The following WWOX variants were observed in gnomAD, a reference collection of about 807,000 sequenced individuals.
WWOX encodes the protein WW domain containing oxidoreductase, also known as WW domain-containing oxidoreductase.
In WWOX, 69 loss-of-function variants were observed where a neutral mutation model predicts 46.2. The ratio of observed to expected loss-of-function variants is 1.49; its 90% CI spans 1.23 to 1.82. The LOEUF is 1.82. Ranked by LOEUF, WWOX falls within the 40% of genes most tolerant of loss-of-function variation. The pLI, the probability that WWOX is intolerant of heterozygous loss-of-function variation, is 0.00. For synonymous variants in WWOX, 359 were observed against 202.6 expected (o/e 1.77, Z -6.56); for missense variants, 919 against 542.6 (o/e 1.69, Z -6.89).
At chr16:78,617,777 C>G (rs190195336) in intron 8 of WWOX, among the ~76,000 whole-genome samples, 329 of 152,282 alleles carry the variant, frequency 2.2e-3, no homozygotes, top group Non-Finnish European at 3.2e-3. Context: ...TGGCCCTATC[C>G]ACATGTTGCC....
chr16:78,332,162 A>G (rs2080773356), intron 5 of WWOX, among the ~76,000 whole-genome samples: 1 of 152,104 alleles, frequency 6.6e-6, no homozygotes, highest in South Asian at 2.1e-4. Flanking sequence ...ATCCTGGGTT[A>G]TGTCTTTCCC....
intron 6 of WWOX, among the ~76,000 whole-genome samples, chr16:78,406,080 T>C (rs2082524625): frequency 1.3e-5 from 2 of 151,878 alleles, no homozygotes; most frequent in African/African-American, 4.8e-5. Flanking sequence ...ATCGCTCATG[T>C]TTGTTCTTTT....
chr16:78,298,250 C>T, intron 5 of WWOX, among the ~76,000 whole-genome samples: 1 of 152,114 alleles, frequency 6.6e-6, no homozygotes, highest in East Asian at 1.9e-4. Flanking sequence ...CAGGGGTGAT[C>T]ACAAACAGCC....
At chr16:78,301,012 C>T (rs771457633) in intron 5 of WWOX, among the ~76,000 whole-genome samples, 1 of 151,966 alleles carries the variant, frequency 6.6e-6, no homozygotes, top group East Asian at 1.9e-4. Context: ...ATCCATCCAT[C>T]CATCCATGCA....
At chr16:78,282,293 T>C (rs1039291834) in intron 5 of WWOX, among the ~76,000 whole-genome samples, 2 of 152,214 alleles carry the variant, frequency 1.3e-5, no homozygotes, top group Admixed American at 1.3e-4. Context: ...GATCCTTTTA[T>C]GGTTCTGACG....
At chr16:78,225,378 T>C (rs2037017079) in intron 5 of WWOX, among the ~76,000 whole-genome samples, 1 of 152,230 alleles carries the variant, frequency 6.6e-6, no homozygotes, top group African/African-American at 2.4e-5. Context: ...TGTATGACTA[T>C]GTTTTCTCAT....
At chr16:78,435,233 C>T (rs1295522224) in intron 8 of WWOX, among the ~76,000 whole-genome samples, 2 of 152,104 alleles carry the variant, frequency 1.3e-5, no homozygotes, top group African/African-American at 2.4e-5. Flanking sequence ...ACGAAGGTTG[C>T]AACTCAGTGA....
At chr16:78,599,628 G>A (rs1185253177) in intron 8 of WWOX, among the ~76,000 whole-genome samples, 1 of 152,212 alleles carries the variant, frequency 6.6e-6, no homozygotes, top group Non-Finnish European at 1.5e-5. Context: ...ACCCAGGCCT[G>A]CCAATCAACA....
chr16:78,497,700 C>T (rs2151470438), intron 8 of WWOX, among the ~76,000 whole-genome samples: 1 of 152,318 alleles, frequency 6.6e-6, no homozygotes, highest in Middle Eastern at 3.4e-3. Context: ...AATCACTCTT[C>T]ATGATTGGAT....
At chr16:78,483,896 A>G (rs192677091) in intron 8 of WWOX, among the ~76,000 whole-genome samples, 1 of 152,162 alleles carries the variant, frequency 6.6e-6, no homozygotes, top group African/African-American at 2.4e-5. Context: ...TGTGGTCAAC[A>G]GTGGGGCTTA....
At chr16:78,396,792 G>C (rs1022643583) in intron 6 of WWOX, among the ~76,000 whole-genome samples, 1 of 152,186 alleles carries the variant, frequency 6.6e-6, no homozygotes, top group Non-Finnish European at 1.5e-5. Flanking sequence ...ACATTGTTGA[G>C]TGTTACATGA....
At chr16:78,649,954 T>C (rs948553641) in intron 8 of WWOX, among the ~76,000 whole-genome samples, 1 of 152,178 alleles carries the variant, frequency 6.6e-6, no homozygotes, top group African/African-American at 2.4e-5. Context: ...TTGATTCATT[T>C]CTCTTATCTG....
chr16:78,909,333 C>T (rs545222593), intron 8 of WWOX, among the ~76,000 whole-genome samples: 2 of 152,322 alleles, frequency 1.3e-5, no homozygotes, highest in East Asian at 3.9e-4. Flanking sequence ...TCCAGATCCG[C>T]TTTGGTAAGA....
intron 8 of WWOX, among the ~76,000 whole-genome samples, chr16:78,598,043 A>G (rs1436413278): frequency 6.6e-6 from 1 of 152,160 alleles, no homozygotes; most frequent in Admixed American, 6.5e-5. Flanking sequence ...GTCCAGCTCC[A>G]CTAATCTCCA....
At chr16:78,722,557 G>A (rs1422953163) in intron 8 of WWOX, among the ~76,000 whole-genome samples, 1 of 152,076 alleles carries the variant, frequency 6.6e-6, no homozygotes, top group East Asian at 1.9e-4. Context: ...AAAGCGAGGA[G>A]TTTTTCTGCC....
At position 78,099,686 on chromosome 16, in the gene WWOX, C is replaced by A. The variant is rs947449027; in HGVS notation, c.-93C>A. The A allele has an allele frequency of 1.5e-5, 21 of 1,433,358 alleles. No individual in the cohort carries two copies. The Admixed American group carries it at 5.0e-4, about 34-fold the overall frequency. The allele number at this position is 1,433,358 out of a possible 1,614,324, so 88.8% of individuals were successfully genotyped here. On this transcript the variant is annotated 5_prime_UTR_variant, in exon 1 of 9. Transcript: ENST00000566780. ...GCAGGCGTGAGCGGTCGGGCCCCGA[C>A]GCGCGCGGGTCTCGTTTGGAGCGGG...
intron 5 of WWOX, among the ~76,000 whole-genome samples, chr16:78,198,964 T>G (rs932417240): frequency 1.3e-5 from 2 of 152,132 alleles, no homozygotes; most frequent in Non-Finnish European, 2.9e-5. Flanking sequence ...CCTCTTCTTT[T>G]CCCCTTTCAC....
intron 5 of WWOX, among the ~76,000 whole-genome samples, chr16:78,212,226 C>G (rs1260926902): frequency 6.6e-6 from 1 of 152,188 alleles, no homozygotes. Context: ...AGAAGGAAAG[C>G]TCACTCCATG....
chr16:78,567,407 G>A (rs909171360), intron 8 of WWOX, among the ~76,000 whole-genome samples: 5 of 149,920 alleles, frequency 3.3e-5, no homozygotes, highest in African/African-American at 4.9e-5. Context: ...AAAAAAATTA[G>A]CCCGGCGTGG....
Sources: gnomAD v4.1 joint callset for allele counts (sites outside exome capture counted in the v4.1 genomes callset) on GRCh38, gnomAD v4.1.1 for gene constraint, MANE v1.5 for transcripts, NCBI Gene and HGNC (gene_info 2026-07-23, HGNC 2026-07-21) for gene names.